Variants in DAAM1 observed in about 807,000 individuals in gnomAD.
The protein encoded by DAAM1 is disheveled-associated activator of morphogenesis 1.
In DAAM1, 52 loss-of-function variants were observed where a neutral mutation model predicts 130.0. That is an observed-to-expected ratio of 0.40 (90% CI 0.32 to 0.50). The LOEUF is 0.50. Ranked by LOEUF, DAAM1 falls within the 20% of genes least tolerant of loss-of-function variation. The pLI is 0.61. For missense variants in DAAM1, 1,134 were observed against 1,303.8 expected, an observed-to-expected ratio of 0.87 and a Z score of 2.01; for synonymous variants, 452 against 444.5, an observed-to-expected ratio of 1.02 and a Z score of -0.21.
intron 15 of DAAM1, among the ~76,000 whole-genome samples, chr14:59,333,274 C>A (rs1301587187): frequency 6.6e-6 from 1 of 152,090 alleles, no homozygotes; most frequent in Non-Finnish European, 1.5e-5. Context: ...AAAACAGGAG[C>A]CCTCAGCTGC....
chr14:59,199,159 C>G (rs1441231974), intron 1 of DAAM1, among the ~76,000 whole-genome samples: 2 of 152,164 alleles, frequency 1.3e-5, no homozygotes, highest in African/African-American at 4.8e-5. Context: ...GATCTGATCC[C>G]CAGTCTCTTC....
At chr14:59,309,327 G>T (rs1205001143) in intron 3 of DAAM1, among the ~76,000 whole-genome samples, 1 of 152,210 alleles carries the variant, frequency 6.6e-6, no homozygotes, top group East Asian at 1.9e-4. Context: ...CACTTCACAG[G>T]CATGGTAGGT....
chr14:59,251,582 G>A (rs942378620), intron 1 of DAAM1, among the ~76,000 whole-genome samples: 2 of 152,156 alleles, frequency 1.3e-5, no homozygotes, highest in South Asian at 4.2e-4. Flanking sequence ...CATGTCTTTG[G>A]AAGTTTTATA....
intron 17 of DAAM1, among the ~76,000 whole-genome samples, chr14:59,352,002 A>G (rs954260358): frequency 2.0e-5 from 3 of 152,230 alleles, no homozygotes; most frequent in African/African-American, 7.2e-5. Context: ...AAGGGGAAAA[A>G]AAAAGATTGA....
Position 59,207,220 on chromosome 14 carries a change from C to T in DAAM1, c.-38+18452C>T, listed in dbSNP as rs76536342. On this transcript the variant is annotated intron_variant, in intron 1 of 24. Coordinates refer to ENST00000360909, the MANE Select transcript of DAAM1 (RefSeq NM_001270520.2). ...AGCACTTGTTAATATTTTCAAGGGC[C>T]GTAAAATGCAATGTTTGCTTATCTT... Among the ~76,000 whole-genome samples, 1,462 of 152,114 alleles carry T rather than the reference C, an allele frequency of 9.6e-3. 16 individuals are homozygous for T. The highest frequency in any genetic ancestry group is 0.034 in the African/African-American group (1,409 of 41,490).
chr14:59,250,509 A>G (rs1438105085), intron 1 of DAAM1, among the ~76,000 whole-genome samples: 2 of 152,236 alleles, frequency 1.3e-5, no homozygotes, highest in Non-Finnish European at 2.9e-5. Context: ...AAGAGGCAAT[A>G]TAACAACTAA....
intron 15 of DAAM1, among the ~76,000 whole-genome samples, chr14:59,339,499 G>A (rs1885761848): frequency 6.6e-6 from 1 of 152,248 alleles, no homozygotes; most frequent in East Asian, 1.9e-4. Flanking sequence ...TGTTAGTTCA[G>A]GTAACTGAAC....
chr14:59,367,804 A>C (rs1886978936), intron 24 of DAAM1, among the ~76,000 whole-genome samples: 1 of 152,100 alleles, frequency 6.6e-6, no homozygotes. Flanking sequence ...AAATCTATCC[A>C]CATCCTTTGC....
intron 4 of DAAM1, 46 bp downstream of exon 4, chr14:59,315,397 TGTA>T (rs760418051): frequency 1.8e-5 from 28 of 1,573,450 alleles, no homozygotes; most frequent in Non-Finnish European, 2.4e-5. Flanking sequence ...AAAATGCAAG[TGTA>T]GTACAAAGTA....
At chr14:59,301,475 T>A (rs765604150) in intron 3 of DAAM1, among the ~76,000 whole-genome samples, 10 of 152,122 alleles carry the variant, frequency 6.6e-5, no homozygotes, top group Non-Finnish European at 1.3e-4. Context: ...TAGACCTGTT[T>A]GCACCCTGAT....
intron 17 of DAAM1, 60 bp downstream of exon 17, chr14:59,347,683 A>T (rs752182065): frequency 6.6e-7 from 1 of 1,520,776 alleles, no homozygotes; most frequent in Non-Finnish European, 9.1e-7. Context: ...AGGGAGAGGG[A>T]TGTTGAGAAC....
chr14:59,346,401 T>C (rs1052489833), intron 16 of DAAM1, among the ~76,000 whole-genome samples: 4 of 152,308 alleles, frequency 2.6e-5, no homozygotes, highest in African/African-American at 9.6e-5. Flanking sequence ...TTCAAGAGCA[T>C]AGACTAAAAG....
intron 23 of DAAM1, among the ~76,000 whole-genome samples, chr14:59,365,887 G>C (rs1301857375): frequency 6.6e-6 from 1 of 151,292 alleles, no homozygotes; most frequent in East Asian, 1.9e-4. Flanking sequence ...CCTTACAGAA[G>C]GAAGTATAAT....
At chr14:59,233,580 T>C (rs1045337492) in intron 1 of DAAM1, among the ~76,000 whole-genome samples, 3 of 152,226 alleles carry the variant, frequency 2.0e-5, no homozygotes, top group Non-Finnish European at 2.9e-5. Context: ...TCTCATTCTG[T>C]AGGTTGCGTG....
intron 1 of DAAM1, among the ~76,000 whole-genome samples, chr14:59,260,589 C>A (rs760709370): frequency 4.6e-5 from 7 of 152,054 alleles, no homozygotes; most frequent in Non-Finnish European, 1.0e-4. Flanking sequence ...TCTGTATAGT[C>A]CTTCATTACA....
At chr14:59,273,039 G>A (rs923765348) in intron 2 of DAAM1, among the ~76,000 whole-genome samples, 1 of 152,164 alleles carries the variant, frequency 6.6e-6, no homozygotes, top group African/African-American at 2.4e-5. Context: ...AAACAGTAGG[G>A]TTGGCAGTAG....
Position 59,370,123 on chromosome 14 carries a change from A to G in DAAM1, c.*1264A>G, listed in dbSNP as rs1426294248. On this transcript the variant is annotated 3_prime_UTR_variant, in exon 25 of 25. Transcript: ENST00000360909. Reference sequence around the variant, plus strand: ...ATATCCTTAAATTATGTGATATATAAAGAGGACTGTTACTTTTTTACTTTT... The same window carrying G: ...ATATCCTTAAATTATGTGATATATAGAGAGGACTGTTACTTTTTTACTTTT... 2 of 149,000 alleles carry G rather than the reference A, an allele frequency of 1.3e-5. No individual in the cohort carries two copies. The highest frequency in any genetic ancestry group is 3.0e-5 in the Non-Finnish European group (2 of 67,534). The allele number at this position is 149,000 out of a possible 1,614,324, so 9.2% of individuals were successfully genotyped here.
intron 3 of DAAM1, among the ~76,000 whole-genome samples, chr14:59,303,840 C>T (rs1168388998): frequency 6.6e-6 from 1 of 152,098 alleles, no homozygotes; most frequent in East Asian, 1.9e-4. Flanking sequence ...GCGGAGGTTG[C>T]AGTGAGCCAA....
At chr14:59,280,935 T>C (rs1025386370) in intron 2 of DAAM1, among the ~76,000 whole-genome samples, 1 of 152,130 alleles carries the variant, frequency 6.6e-6, no homozygotes, top group Non-Finnish European at 1.5e-5. Context: ...GTTTTTATTT[T>C]CTCTCCTCCT....
Sources: allele counts gnomAD v4.1 joint callset (sites outside exome capture counted in the v4.1 genomes callset), GRCh38; gene constraint gnomAD v4.1.1; transcripts MANE v1.5; gene names NCBI Gene and HGNC (gene_info 2026-07-23, HGNC 2026-07-21).